The following MED12L variants were observed in gnomAD, a reference collection of about 807,000 sequenced individuals.
MED12L encodes mediator complex subunit 12L, also known as mediator of RNA polymerase II transcription subunit 12-like protein.
In MED12L, 60 loss-of-function variants were observed where a neutral mutation model predicts 281.3. That is an observed-to-expected ratio of 0.21 (90% CI 0.17 to 0.26). The LOEUF (loss-of-function observed/expected upper bound fraction) is 0.26, where lower values mean the gene tolerates loss of function less well. MED12L is among the 10% of genes least tolerant of loss of function. The pLI is 1.00. For missense variants in MED12L, 2,146 were observed against 2,680.9 expected (o/e 0.80, Z 4.41); for synonymous variants, 974 against 987.2 (o/e 0.99, Z 0.25).
intron 20 of MED12L, among the ~76,000 whole-genome samples, chr3:151,358,806 T>C (rs1005137171): frequency 3.3e-5 from 5 of 152,186 alleles, no homozygotes; most frequent in African/African-American, 1.2e-4. Context: ...TCTTATTGCT[T>C]GCAAATCAAA....
Position 151,126,051 on chromosome 3 carries a change from T to C in MED12L, c.397-1774T>C, listed in dbSNP as rs533416068. 9.4e-5 allele frequency among the ~76,000 whole-genome samples: 14 copies of C among 148,780 alleles called. No individual in the cohort carries two copies. In the South Asian group the frequency reaches 3.0e-3, roughly 32 times the overall value. ...GTATGTGGATATACTGCATCCTCTT[T>C]TTTTTTTTTTTTTTTGAGACATGAT... On this transcript the variant is annotated intron_variant, in intron 4 of 44. Transcript: ENST00000687756.
chr3:151,309,890 T>C (rs1047771811), intron 16 of MED12L, among the ~76,000 whole-genome samples: 1 of 152,226 alleles, frequency 6.6e-6, no homozygotes, highest in South Asian at 2.1e-4. Flanking sequence ...GTTTTTTGTT[T>C]TTTATTTTTA....
At position 151,368,704 on chromosome 3, in the gene MED12L, C is replaced by T. The variant is rs142410833; in HGVS notation, c.3550+453C>T. Among the ~76,000 whole-genome samples the T allele has an allele frequency of 9.2e-3, 324 of 35,408 alleles. 1 individual carries two copies. The highest frequency in any genetic ancestry group is 0.027 in the Middle Eastern group (2 of 74). 23.2% of individuals were successfully genotyped at this position (35,408 alleles called of 152,430 possible). ...CATTTCATTTTATTTCATTTCATTT[C>T]ATTTCATTTCATTTCATTTCATTTC... On this transcript the variant is annotated intron_variant, in intron 25 of 44. Transcript: ENST00000687756.
chr3:151,253,810 ATT>A (rs1737286249), intron 16 of MED12L, among the ~76,000 whole-genome samples: 2 of 152,018 alleles, frequency 1.3e-5, no homozygotes, highest in African/African-American at 4.8e-5. Context: ...GGCTTGAAAC[ATT>A]GTCCTTTTGC....
At chr3:151,306,490 G>C (rs976628847) in intron 16 of MED12L, among the ~76,000 whole-genome samples, 8 of 152,206 alleles carry the variant, frequency 5.3e-5, no homozygotes, top group African/African-American at 1.9e-4. Flanking sequence ...ATAGGGACTT[G>C]ACCCCAGTTG....
intron 16 of MED12L, chr3:151,328,910 G>T: frequency 1.2e-6 from 2 of 1,613,856 alleles, no homozygotes; most frequent in South Asian, 1.1e-5. Flanking sequence ...TGTGTAGAGG[G>T]CTGGGAATAC....
At chr3:151,184,651 A>T (rs568919183) in intron 11 of MED12L, among the ~76,000 whole-genome samples, 132 of 152,140 alleles carry the variant, frequency 8.7e-4, no homozygotes, top group Non-Finnish European at 1.6e-3. Context: ...GCTGGTGCCT[A>T]TTTCTAGGCC....
At chr3:151,326,624 T>TG (rs1749630122) in intron 16 of MED12L, 1 of 152,190 alleles carries the variant, frequency 6.6e-6, no homozygotes, top group African/African-American at 2.4e-5. Context: ...TGGCATTTTC[T>TG]GAAAGTTAGA....
chr3:151,121,005 A>G (rs1035497407), intron 3 of MED12L, among the ~76,000 whole-genome samples: 13 of 152,232 alleles, frequency 8.5e-5, no homozygotes, highest in Admixed American at 3.3e-4. Context: ...ATTATAAAAT[A>G]GATTGCTCAG....
intron 5 of MED12L, among the ~76,000 whole-genome samples, chr3:151,135,947 T>C (rs537190058): frequency 6.6e-6 from 1 of 152,344 alleles, no homozygotes; most frequent in South Asian, 2.1e-4. Flanking sequence ...AGACATATCA[T>C]GCGCATGAGG....
chr3:151,235,250 A>T (rs1021234513), intron 16 of MED12L, among the ~76,000 whole-genome samples: 1 of 152,184 alleles, frequency 6.6e-6, no homozygotes, highest in Non-Finnish European at 1.5e-5. Context: ...CAGTCTCATT[A>T]AATTGTGAAA....
intron 16 of MED12L, chr3:151,328,522 A>G (rs757762416): frequency 1.2e-6 from 2 of 1,613,958 alleles, no homozygotes; most frequent in East Asian, 2.2e-5. Flanking sequence ...TCAAGATCGT[A>G]TTTGGCAGGG....
In MED12L at chr3:151,360,524, C is replaced by G. The variant is rs749720230; in HGVS notation, c.2876C>G (p.Pro959Arg). ...GTAAACCCCTCAGAATGTTCTTCCC[C>G]TGAAAGATGCATTTTAGCCTACCTC... ...HVVNPSECSS[P>R]ERCILAYLYD... The change falls in exon 21 of 45, where the codon CCT becomes CGT. Residue 959 changes from proline (P) to arginine (R), a missense_variant. Coordinates refer to ENST00000687756, the MANE Select transcript of MED12L (RefSeq NM_001393769.1). 14 of 1,612,834 alleles carry G rather than the reference C, an allele frequency of 8.7e-6. No individual in the cohort carries two copies. Among genetic ancestry groups the G allele is most frequent in the Non-Finnish European group, 1.2e-5 (14 of 1,179,184 alleles).
intron 16 of MED12L, among the ~76,000 whole-genome samples, chr3:151,229,430 C>T (rs1255435260): frequency 6.6e-6 from 1 of 151,188 alleles, no homozygotes; most frequent in African/African-American, 2.4e-5. Flanking sequence ...CGTCAGCCTC[C>T]CGAGTAGCTG....
intron 5 of MED12L, among the ~76,000 whole-genome samples, chr3:151,148,488 C>T (rs1718032099): frequency 6.6e-6 from 1 of 152,190 alleles, no homozygotes; most frequent in African/African-American, 2.4e-5. Context: ...CAACGTCAGG[C>T]TGGTTAAACC....
At chr3:151,219,128 T>C (rs1283726855) in intron 16 of MED12L, among the ~76,000 whole-genome samples, 2 of 152,160 alleles carry the variant, frequency 1.3e-5, no homozygotes, top group African/African-American at 4.8e-5. Flanking sequence ...GTAGAAAGAA[T>C]GTCAATGCCA....
intron 5 of MED12L, among the ~76,000 whole-genome samples, chr3:151,147,621 T>C (rs1418197752): frequency 2.0e-5 from 3 of 152,252 alleles, no homozygotes; most frequent in Admixed American, 6.5e-5. Flanking sequence ...CATGTGGTCC[T>C]TTGAAACTGG....
chr3:151,255,050 G>A (rs1431842724), intron 16 of MED12L, among the ~76,000 whole-genome samples: 2 of 151,960 alleles, frequency 1.3e-5, no homozygotes, highest in Non-Finnish European at 2.9e-5. Context: ...CTCATAATAA[G>A]CGAGGCCTTT....
At chr3:151,258,949 C>G (rs182584875) in intron 16 of MED12L, among the ~76,000 whole-genome samples, 11 of 151,992 alleles carry the variant, frequency 7.2e-5, no homozygotes, top group South Asian at 4.1e-4. Context: ...CTGTTAGCCT[C>G]TGCAGGCTTC....
Sources: allele counts gnomAD v4.1 joint callset (sites outside exome capture counted in the v4.1 genomes callset), GRCh38; gene constraint gnomAD v4.1.1; transcripts MANE v1.5; gene names NCBI Gene and HGNC (gene_info 2026-07-23, HGNC 2026-07-21).